CCDC141: variants seen among roughly 807,000 people sequenced by gnomAD.
CCDC141 encodes the protein coiled-coil domain-containing protein 141.
Under a neutral mutation model 181.0 loss-of-function variants are expected in CCDC141, and 168 were observed. That is an observed-to-expected ratio of 0.93 (90% confidence interval 0.82 to 1.05). The LOEUF is 1.05. Ranked by LOEUF, CCDC141 falls within the 50% of genes least tolerant of loss-of-function variation. The pLI is 0.00. For missense variants in CCDC141, 1,902 were observed against 1,788.5 expected (o/e 1.06, Z -1.14); for synonymous variants, 666 against 642.3 (o/e 1.04, Z -0.56).
At chr2:178,932,971 TA>T (rs1417688452) in intron 6 of CCDC141, among the ~76,000 whole-genome samples, 2 of 152,126 alleles carry the variant, frequency 1.3e-5, no homozygotes, top group African/African-American at 4.8e-5. Context: ...CTGTGGGACC[TA>T]AGCACTGGTA....
At chr2:178,957,620 A>C (rs1474388915) in intron 5 of CCDC141, among the ~76,000 whole-genome samples, 1 of 152,282 alleles carries the variant, frequency 6.6e-6, no homozygotes, top group Non-Finnish European at 1.5e-5. Flanking sequence ...CTGCACATGG[A>C]TGCCCATAAC....
In CCDC141 at chr2:178,887,358, C is replaced by T. The variant is rs186076330; in HGVS notation, c.1408-487G>A. Among the ~76,000 whole-genome samples, 958 of 152,274 alleles carry T rather than the reference C, an allele frequency of 6.3e-3. 22 individuals are homozygous for T. The highest frequency in any genetic ancestry group is 0.056 in the South Asian group (271 of 4,830). On this transcript the variant is annotated intron_variant, in intron 9 of 23. Transcript: ENST00000443758. ...TGTTATAGTAAAACACAGGGACATA[C>T]TTAGGACATTTAATTGATGAGCTTG...
rs58096328 is a variant in CCDC141 at position 178,839,581 on chromosome 2, CAAAAAAAAA to C, written c.3475-1846_3475-1838del. Among the ~76,000 whole-genome samples the C allele has an allele frequency of 3.5e-3, 210 of 59,524 alleles. 3 individuals carry two copies. The highest frequency in any genetic ancestry group is 0.014 in the African/African-American group (191 of 13,896). The allele number at this position is 59,524 out of a possible 152,430, so 39.1% of individuals were successfully genotyped here. ...GGCAACAAGAGTGAAACTTCGTCTC[CAAAAAAAAA>C]AAAAAAAAAAAAAAAAATGTGTTTT... On this transcript the variant is annotated intron_variant, in intron 22 of 23. Coordinates refer to ENST00000443758, the MANE Select transcript of CCDC141 (RefSeq NM_173648.4).
At chr2:178,946,422 C>T (rs186326827) in intron 5 of CCDC141, among the ~76,000 whole-genome samples, 113 of 152,204 alleles carry the variant, frequency 7.4e-4, no homozygotes, top group African/African-American at 2.6e-3. Context: ...TTAAGGGTTT[C>T]CTCAAAGTAA....
the CCDC141 span, among the ~76,000 whole-genome samples, chr2:178,815,942 G>A: frequency 6.6e-6 from 1 of 152,096 alleles, no homozygotes; most frequent in Non-Finnish European, 1.5e-5. Flanking sequence ...TGTTGTAAGA[G>A]TATATGTAAG....
At chr2:179,046,533 T>G (rs1008783552) in intron 2 of CCDC141, among the ~76,000 whole-genome samples, 1 of 152,232 alleles carries the variant, frequency 6.6e-6, no homozygotes, top group Non-Finnish European at 1.5e-5. Context: ...CCATGTCCTT[T>G]GCACTGAGTC....
intron 2 of CCDC141, among the ~76,000 whole-genome samples, chr2:179,027,710 T>C (rs2154386469): frequency 7.0e-6 from 1 of 143,390 alleles, no homozygotes; most frequent in East Asian, 2.3e-4. Context: ...TCTCTCTGTC[T>C]GCTGCCATCC....
At position 179,050,014 on chromosome 2, in the gene CCDC141, G is replaced by T; in HGVS notation, c.-73C>A. 6.5e-7 allele frequency: 1 copy of T among 1,543,102 alleles called. No individual in the cohort carries two copies. Among genetic ancestry groups the T allele is most frequent in the Non-Finnish European group, 8.7e-7 (1 of 1,142,964 alleles). ...GTGTGTCTGCTGGTCATTTCAGAAG[G>T]CCAGGGTTACTTGGATTCATTCAGG... On this transcript the variant is annotated 5_prime_UTR_variant, in exon 1 of 24. Transcript: ENST00000443758.
the CCDC141 span, among the ~76,000 whole-genome samples, chr2:178,824,654 C>T: frequency 4.2e-5 from 6 of 142,278 alleles, no homozygotes; most frequent in African/African-American, 1.3e-4. Context: ...AAGTCAGCTG[C>T]AACTGAGGAC....
At chr2:178,852,175 A>G (rs1280413958) in intron 20 of CCDC141, among the ~76,000 whole-genome samples, 1 of 152,216 alleles carries the variant, frequency 6.6e-6, no homozygotes, top group Non-Finnish European at 1.5e-5. Context: ...TCAGTTGGTG[A>G]TAAGTGCCAG....
At chr2:179,030,002 T>C (rs2042957345) in intron 2 of CCDC141, among the ~76,000 whole-genome samples, 1 of 152,158 alleles carries the variant, frequency 6.6e-6, no homozygotes, top group Non-Finnish European at 1.5e-5. Flanking sequence ...CATTTGTATA[T>C]GTAATATCCA....
chr2:178,971,083 C>T (rs1045750739), intron 4 of CCDC141, among the ~76,000 whole-genome samples: 4 of 152,096 alleles, frequency 2.6e-5, no homozygotes, highest in East Asian at 1.9e-4. Context: ...TGGCGTGGGC[C>T]TGAAGTCCCA....
rs1356229183 is a variant in CCDC141, at chr2:178,926,271, T to A, written c.898-7364A>T. On this transcript the variant is annotated intron_variant, in intron 6 of 23. Coordinates refer to ENST00000443758, the MANE Select transcript of CCDC141 (RefSeq NM_173648.4). ...AGAATATTCTAAGGTATTTAATGAA[T>A]AGGTAATATTTGATTTAGAATAATT... 3.3e-5 allele frequency among the ~76,000 whole-genome samples: 5 copies of A among 152,204 alleles called. No homozygotes were observed. In the East Asian group the frequency reaches 7.7e-4, roughly 23 times the overall value.
chr2:178,969,103 C>CAAAAAAAAAAAAAAAAAAAA (rs1690763057), intron 4 of CCDC141, among the ~76,000 whole-genome samples: 1 of 50,542 alleles, frequency 2.0e-5, no homozygotes. Flanking sequence ...AGCTTACCAA[C>CAAAAAAAAAAAAAAAAAAAA]CAAAAAAAAA....
intron 22 of CCDC141, among the ~76,000 whole-genome samples, chr2:178,845,098 G>C (rs1418704877): frequency 6.6e-6 from 1 of 152,100 alleles, no homozygotes; most frequent in Non-Finnish European, 1.5e-5. Context: ...AAATACTTTA[G>C]TATTTATATT....
intron 2 of CCDC141, among the ~76,000 whole-genome samples, chr2:179,019,777 A>AT (rs2042642523): frequency 2.0e-5 from 3 of 151,950 alleles, no homozygotes; most frequent in Admixed American, 1.3e-4. Flanking sequence ...TATTTTATTC[A>AT]TTTTATTGAG....
At chr2:178,907,536 A>C (rs925268904) in intron 7 of CCDC141, among the ~76,000 whole-genome samples, 1 of 152,252 alleles carries the variant, frequency 6.6e-6, no homozygotes, top group Non-Finnish European at 1.5e-5. Flanking sequence ...TATAGGTTAG[A>C]AAAGATACAG....
Position 178,878,006 on chromosome 2 carries a change from TA to T in CCDC141, c.1856del (p.Ile619LysfsTer5). Reference sequence around the variant, plus strand: ...GGAACTCAAGCCCTAGATCTTGTGTTATAAAACTCTTCTTTAAAAATAGCTG... The same window carrying T: ...GGAACTCAAGCCCTAGATCTTGTGTTTAAAACTCTTCTTTAAAAATAGCTG... ...QWQLFLKKSFITQDLGLEFLN... is the reference protein window; with the variant it reads ...QWQLFLKKSFXTQDLGLEFLN... On this transcript the variant is annotated frameshift_variant, in exon 12 of 24. Transcript: ENST00000443758. LOFTEE classifies it high-confidence loss of function. 6.2e-7 allele frequency: 1 copy of T among 1,614,006 alleles called. No homozygotes were observed. The highest frequency in any genetic ancestry group is 8.5e-7 in the Non-Finnish European group (1 of 1,179,924).
chr2:179,010,235 T>C (rs1032943719), intron 2 of CCDC141, among the ~76,000 whole-genome samples: 3 of 152,116 alleles, frequency 2.0e-5, no homozygotes, highest in African/African-American at 7.2e-5. Context: ...TTTGGGGGAA[T>C]AATCGAGGAA....
Sources: gnomAD v4.1 joint callset for allele counts (sites outside exome capture counted in the v4.1 genomes callset) on GRCh38, gnomAD v4.1.1 for gene constraint, MANE v1.5 for transcripts, NCBI Gene and HGNC (gene_info 2026-07-23, HGNC 2026-07-21) for gene names.